The following CYP3A43 variants were observed in gnomAD, a reference collection of about 807,000 sequenced individuals.
The protein encoded by CYP3A43 is cytochrome P450 family 3 subfamily A member 43.
A neutral mutation model predicts 58.0 loss-of-function variants in CYP3A43; 45 were observed. The ratio of observed to expected loss-of-function variants is 0.78; its 90% CI spans 0.61 to 0.99. The LOEUF (loss-of-function observed/expected upper bound fraction) is 0.99, where lower values mean the gene tolerates loss of function less well. Among genes scored for constraint, CYP3A43 ranks in the 50% least tolerant of loss-of-function variants. The probability of loss-of-function intolerance (pLI) is 0.00; values close to 1 mark genes in which losing one functional copy is unlikely to be tolerated. For missense variants in CYP3A43, 593 were observed against 591.9 expected (o/e 1.00, Z -0.02); for synonymous variants, 191 against 201.4 (o/e 0.95, Z 0.44).
chr7:99,847,461 A>G lies in CYP3A43; in HGVS notation c.319-27A>G, dbSNP rs377014391. 74 of 1,608,580 alleles carry G rather than the reference A, an allele frequency of 4.6e-5. No homozygotes were observed. In the East Asian group the frequency reaches 4.7e-4, roughly 10 times the overall value. On this transcript the variant is annotated intron_variant, in intron 4 of 12. Coordinates refer to ENST00000354829, the MANE Select transcript of CYP3A43 (RefSeq NM_057095.3). Reference sequence around the variant, plus strand: ...TGGAGATCTCTAAAACTTACGTAGGACAAACTGCTTCTGCTTTGAACTCAA... The same window carrying G: ...TGGAGATCTCTAAAACTTACGTAGGGCAAACTGCTTCTGCTTTGAACTCAA...
At chr7:99,828,488 C>T (rs550697876) in intron 1 of CYP3A43, among the ~76,000 whole-genome samples, 1 of 151,934 alleles carries the variant, frequency 6.6e-6, no homozygotes, top group African/African-American at 2.4e-5. Context: ...TGGTGAAACC[C>T]CTTCTCTACT....
intron 1 of CYP3A43, 97 bp from the exon 2 acceptor site, chr7:99,836,356 C>T: frequency 1.1e-6 from 1 of 885,416 alleles, no homozygotes; most frequent in Admixed American, 2.2e-5. Context: ...TGTTACCTCC[C>T]TCCCTTGAAC....
At chr7:99,848,830 A>G (rs1436063546) in intron 6 of CYP3A43, among the ~76,000 whole-genome samples, 2 of 152,208 alleles carry the variant, frequency 1.3e-5, no homozygotes, top group Admixed American at 1.3e-4. Context: ...TGTAATTTGA[A>G]TTATGCTGGA....
At position 99,856,908 on chromosome 7, in the gene CYP3A43, G is replaced by T. The variant is rs1818003215; in HGVS notation, c.865+9G>T. 1 of 1,612,496 alleles carries T rather than the reference G, an allele frequency of 6.2e-7. No homozygotes were observed. Among genetic ancestry groups the T allele is most frequent in the Admixed American group, 1.7e-5 (1 of 59,704 alleles). On this transcript the variant is annotated intron_variant, in intron 9 of 12. Transcript: ENST00000354829. ...AACAAAGTCCCATAAAGGTAACCAAGAACTGCATCTGGGGGCTACTGATGG... is the reference window on the plus strand; with the variant it reads ...AACAAAGTCCCATAAAGGTAACCAATAACTGCATCTGGGGGCTACTGATGG...
chr7:99,854,275 A>G (rs189026975), intron 7 of CYP3A43, among the ~76,000 whole-genome samples: 1 of 146,716 alleles, frequency 6.8e-6, no homozygotes, highest in African/African-American at 2.6e-5. Flanking sequence ...TGCGTGATCT[A>G]GGCTCACTGA....
intron 1 of CYP3A43, among the ~76,000 whole-genome samples, chr7:99,834,960 T>C (rs1033352901): frequency 3.3e-5 from 5 of 152,204 alleles, no homozygotes; most frequent in African/African-American, 1.2e-4. Context: ...AGCTGCCAGC[T>C]ATGTTTTCAG....
chr7:99,848,002 ACT>A, intron 5 of CYP3A43, 162 bp from the exon 6 acceptor site: 1 of 702,070 alleles, frequency 1.4e-6, no homozygotes, highest in Non-Finnish European at 2.4e-6. Flanking sequence ...CAAGAGCGAA[ACT>A]CTGTCTCAAA....
intron 3 of CYP3A43, chr7:99,839,378 C>T (rs1402830847): frequency 2.8e-6 from 2 of 714,070 alleles, no homozygotes; most frequent in Non-Finnish European, 5.1e-6. Context: ...AAACTCCATG[C>T]ATATTCAGTA....
chr7:99,845,271 T>G (rs1817501535), intron 4 of CYP3A43, among the ~76,000 whole-genome samples: 1 of 152,152 alleles, frequency 6.6e-6, no homozygotes, highest in South Asian at 2.1e-4. Context: ...TTTTCACAAT[T>G]GTCAAAAATC....
chr7:99,839,314 A>G, intron 3 of CYP3A43, 142 bp downstream of exon 3: 2 of 1,000,996 alleles, frequency 2.0e-6, no homozygotes, highest in Non-Finnish European at 3.1e-6. Flanking sequence ...GCTATCTAAA[A>G]GAAAAAGATG....
At chr7:99,848,546 C>T (rs949593979) in intron 6 of CYP3A43, among the ~76,000 whole-genome samples, 2 of 152,080 alleles carry the variant, frequency 1.3e-5, no homozygotes, top group African/African-American at 2.4e-5. Flanking sequence ...AAATAAAAAC[C>T]TGATTGTACT....
chr7:99,832,707 AC>A (rs1305815671), intron 1 of CYP3A43, among the ~76,000 whole-genome samples: 2 of 151,970 alleles, frequency 1.3e-5, no homozygotes, highest in East Asian at 3.9e-4. Flanking sequence ...AGAAAAAAAA[AC>A]AAAACAACAA....
At chr7:99,848,088 C>T in intron 5 of CYP3A43, 78 bp from the exon 6 acceptor site, 2 of 1,374,604 alleles carry the variant, frequency 1.5e-6, no homozygotes, top group Admixed American at 1.8e-5. Flanking sequence ...ATATCATTTA[C>T]TGTTCCATGC....
Position 99,849,586 on chromosome 7 carries a change from T to TTA in CYP3A43, c.564_565dup (p.Phe189TyrfsTer4). 6.2e-7 allele frequency: 1 copy of TTA among 1,612,882 alleles called. No individual in the cohort carries two copies. The highest frequency in any genetic ancestry group is 8.5e-7 in the Non-Finnish European group (1 of 1,179,734). On this transcript the variant is annotated frameshift_variant, in exon 7 of 13. Coordinates refer to ENST00000354829, the MANE Select transcript of CYP3A43 (RefSeq NM_057095.3). LOFTEE classifies it high-confidence loss of function. Reference sequence around the variant, plus strand: ...CACCATGGATGTAATCACTGGCACATTATTTGGAGTGAACTTGGATTCTCT... The same window carrying TTA: ...CACCATGGATGTAATCACTGGCACATTATATTTGGAGTGAACTTGGATTCTCT...
chr7:99,858,659 TGTATTATTATTATTATTA>T (rs1281361802), intron 9 of CYP3A43, among the ~76,000 whole-genome samples: 32 of 130,058 alleles, frequency 2.5e-4, no homozygotes, highest in Admixed American at 3.5e-4. Context: ...TTCTTCCTGC[TGTATTATTATTATTATTA>T]TTATTATTAT....
intron 1 of CYP3A43, among the ~76,000 whole-genome samples, chr7:99,831,085 A>G (rs1391568250): frequency 6.6e-6 from 1 of 152,198 alleles, no homozygotes; most frequent in Non-Finnish European, 1.5e-5. Flanking sequence ...TGGATTATAA[A>G]CAACTGGAAA....
intron 4 of CYP3A43, among the ~76,000 whole-genome samples, chr7:99,844,455 A>C (rs1433469544): frequency 2.0e-5 from 3 of 152,128 alleles, no homozygotes; most frequent in Admixed American, 6.6e-5. Context: ...ACTTATTCAG[A>C]GTTCCTGCTT....
At chr7:99,845,781 CT>C (rs1175348641) in intron 4 of CYP3A43, among the ~76,000 whole-genome samples, 447 of 124,492 alleles carry the variant, frequency 3.6e-3, no homozygotes, top group Non-Finnish European at 4.4e-3. Flanking sequence ...CTTGTTTTTG[CT>C]TTTTTTTTTT....
intron 1 of CYP3A43, among the ~76,000 whole-genome samples, chr7:99,833,554 T>A (rs73393660): frequency 6.6e-6 from 1 of 152,170 alleles, no homozygotes; most frequent in African/African-American, 2.4e-5. Context: ...AAACAGGCAG[T>A]TAGTTTTTAA....
Sources: allele counts gnomAD v4.1 joint callset (sites outside exome capture counted in the v4.1 genomes callset), GRCh38; gene constraint gnomAD v4.1.1; transcripts MANE v1.5; gene names NCBI Gene and HGNC (gene_info 2026-07-23, HGNC 2026-07-21).